Variants in MARCHF5 observed in about 807,000 individuals in gnomAD.
MARCHF5 encodes the protein E3 ubiquitin-protein ligase MARCHF5.
MARCHF5 carries 5 observed loss-of-function variants against 36.5 expected under a neutral mutation model. The observed-to-expected ratio is 0.14, with a 90% CI of 0.07 to 0.29. The LOEUF is 0.29. Among genes scored for constraint, MARCHF5 ranks in the 10% least tolerant of loss-of-function variants. The pLI is 1.00. For missense variants in MARCHF5, 179 were observed against 336.3 expected, an observed-to-expected ratio of 0.53 and a Z score of 3.66; for synonymous variants, 103 against 109.9, an observed-to-expected ratio of 0.94 and a Z score of 0.39.
At chr10:92,348,251 G>A (rs1843680193) in intron 3 of MARCHF5, among the ~76,000 whole-genome samples, 1 of 151,698 alleles carries the variant, frequency 6.6e-6, no homozygotes, top group Non-Finnish European at 1.5e-5. Context: ...CACTTTGAGA[G>A]GCCGAGGCAG....
intron 3 of MARCHF5, 59 bp downstream of exon 3, chr10:92,340,862 T>G: frequency 7.4e-7 from 1 of 1,358,104 alleles, no homozygotes; most frequent in Non-Finnish European, 9.9e-7. Context: ...TAAAACATTT[T>G]TTGTTAGACA....
intron 2 of MARCHF5, among the ~76,000 whole-genome samples, chr10:92,311,883 C>G (rs1379621143): frequency 6.6e-6 from 1 of 152,120 alleles, no homozygotes; most frequent in Non-Finnish European, 1.5e-5. Flanking sequence ...TCTTTGAGAA[C>G]AGGCCTAGCA....
chr10:92,322,668 C>T (rs1487526180), intron 2 of MARCHF5, among the ~76,000 whole-genome samples: 1 of 149,814 alleles, frequency 6.7e-6, no homozygotes, highest in African/African-American at 2.5e-5. Context: ...AGGCTGGTCT[C>T]ATACTCCTGA....
At chr10:92,303,504 G>T (rs889683442) in intron 1 of MARCHF5, among the ~76,000 whole-genome samples, 3 of 151,726 alleles carry the variant, frequency 2.0e-5, no homozygotes, top group Non-Finnish European at 2.9e-5. Flanking sequence ...ACTTTTCTTG[G>T]CACTTAATGC....
chr10:92,314,896 T>C, intron 2 of MARCHF5, among the ~76,000 whole-genome samples: 2 of 152,274 alleles, frequency 1.3e-5, no homozygotes, highest in Middle Eastern at 6.8e-3. Context: ...CGCTGCATTC[T>C]TAACATGCTG....
rs1842858079 is a variant in MARCHF5, at chr10:92,291,371, G to C, written c.-124G>C. ...GCTAGCGGAGCTGCCCCGGGAAGCTGGGTGACGGGTTCGCGGCTGCCGCCG... is the reference window on the plus strand; with the variant it reads ...GCTAGCGGAGCTGCCCCGGGAAGCTCGGTGACGGGTTCGCGGCTGCCGCCG... On this transcript the variant is annotated 5_prime_UTR_variant, in exon 1 of 6. Transcript: ENST00000358935. 6 of 868,284 alleles carry C rather than the reference G, an allele frequency of 6.9e-6. No homozygotes were observed. The highest frequency in any genetic ancestry group is 1.1e-5 in the Non-Finnish European group (6 of 538,536). 53.8% of individuals were successfully genotyped at this position (868,284 alleles called of 1,614,324 possible).
rs1843695531 is a variant in MARCHF5 at position 92,349,656 on chromosome 10, A to AT, written c.554-8dup. On this transcript the variant is annotated splice_polypyrimidine_tract_variant and intron_variant, in intron 4 of 5. Transcript: ENST00000358935. ...TGATTTATTAGCACTAACGCACTGC[A>AT]TTTTTTTCCTCTAGGGATAGGTTGT... is the stretch of plus-strand genomic sequence containing the variant. The AT allele has an allele frequency of 1.2e-6, 2 of 1,611,452 alleles. No homozygotes were observed. The highest frequency in any genetic ancestry group is 1.1e-5 in the South Asian group (1 of 90,496).
chr10:92,316,745 TAG>T (rs1843215187), intron 2 of MARCHF5, among the ~76,000 whole-genome samples: 1 of 151,742 alleles, frequency 6.6e-6, no homozygotes, highest in African/African-American at 2.4e-5. Flanking sequence ...TTTTTCTTTT[TAG>T]AGAGGGGGAT....
chr10:92,309,041 T>G (rs1843113364), intron 1 of MARCHF5, among the ~76,000 whole-genome samples: 1 of 152,088 alleles, frequency 6.6e-6, no homozygotes. Context: ...AAAAAGTAAA[T>G]CTGTACAAGT....
intron 1 of MARCHF5, among the ~76,000 whole-genome samples, chr10:92,295,709 GTGGCAACTTCTTAATAGC>G (rs1315430884): frequency 1.3e-5 from 2 of 151,190 alleles, no homozygotes; most frequent in Non-Finnish European, 1.5e-5. Flanking sequence ...TGCCTGGCCT[GTGGCAACTTCTTAATAGC>G]TGAAGTTGAA....
intron 2 of MARCHF5, among the ~76,000 whole-genome samples, chr10:92,328,549 C>G (rs1843396818): frequency 6.6e-6 from 1 of 151,314 alleles, no homozygotes; most frequent in South Asian, 2.1e-4. Context: ...ATTTCTCTAC[C>G]TAAGTGGTTA....
Position 92,325,806 on chromosome 10 carries a change from T to A in MARCHF5, c.238+14469T>A, listed in dbSNP as rs142942170. On this transcript the variant is annotated intron_variant, in intron 2 of 5. Transcript: ENST00000358935. ...AATTCTCCTGCCTCAGCCTCCCGAG[T>A]AGCTGGGATTACAGGTGTGCACCAC... 7.7e-4 allele frequency among the ~76,000 whole-genome samples: 117 copies of A among 152,150 alleles called. 2 individuals are homozygous for A. In the East Asian group the frequency reaches 0.022, roughly 28 times the overall value.
At chr10:92,341,877 A>G (rs1300960295) in intron 3 of MARCHF5, among the ~76,000 whole-genome samples, 1 of 146,450 alleles carries the variant, frequency 6.8e-6, no homozygotes, top group Non-Finnish European at 1.5e-5. Flanking sequence ...TGCAGCCTCA[A>G]CTTCCTGGGC....
Position 92,323,699 on chromosome 10 carries a change from T to C in MARCHF5, c.238+12362T>C, listed in dbSNP as rs549336087. 9.2e-5 allele frequency among the ~76,000 whole-genome samples: 14 copies of C among 152,342 alleles called. No homozygotes were observed. The South Asian group carries it at 2.7e-3, about 29-fold the overall frequency. The stretch of plus-strand genomic sequence containing the variant: ...TCAGATTGTCTTTCATTTAGTAACA[T>C]GCATTTAATTTCCTCTGTGTCTTTT... On this transcript the variant is annotated intron_variant, in intron 2 of 5. Coordinates refer to ENST00000358935, the MANE Select transcript of MARCHF5 (RefSeq NM_017824.5).
chr10:92,351,369 A>C lies in MARCHF5; in HGVS notation c.*162A>C. On this transcript the variant is annotated 3_prime_UTR_variant, in exon 6 of 6. Coordinates refer to ENST00000358935, the MANE Select transcript of MARCHF5 (RefSeq NM_017824.5). ...TTAGGGCAGGGGAAATCATCTCGGT[A>C]ATCATGGAACCTAAGGATGTGATTT... 1 of 504,170 alleles carries C rather than the reference A, an allele frequency of 2.0e-6. No individual in the cohort carries two copies. Among genetic ancestry groups the C allele is most frequent in the Non-Finnish European group, 3.5e-6 (1 of 286,770 alleles). The allele number at this position is 504,170 out of a possible 1,614,324, so 31.2% of individuals were successfully genotyped here. A position where few individuals can be genotyped will look rare whatever the true frequency, so the allele number is the denominator to read the frequency against.
intron 2 of MARCHF5, among the ~76,000 whole-genome samples, chr10:92,327,780 T>C (rs1189065662): frequency 6.6e-6 from 1 of 152,082 alleles, no homozygotes; most frequent in African/African-American, 2.4e-5. Flanking sequence ...AATATTTCAT[T>C]TGTGGAAAAG....
chr10:92,324,409 T>G (rs568093836), intron 2 of MARCHF5, among the ~76,000 whole-genome samples: 1 of 152,316 alleles, frequency 6.6e-6, no homozygotes, highest in East Asian at 1.9e-4. Context: ...TTGCCCAGGC[T>G]AGAGTGCAGT....
chr10:92,337,764 G>A (rs1056786628), intron 2 of MARCHF5, among the ~76,000 whole-genome samples: 1 of 152,000 alleles, frequency 6.6e-6, no homozygotes, highest in Admixed American at 6.6e-5. Context: ...TGAGGGGATA[G>A]GATCATCTAG....
Position 92,349,417 on chromosome 10 carries a change from TC to T in MARCHF5, c.440del (p.Pro147LeufsTer7). 6.2e-7 allele frequency: 1 copy of T among 1,614,130 alleles called. No homozygotes were observed. The highest frequency in any genetic ancestry group is 8.5e-7 in the Non-Finnish European group (1 of 1,179,980). ...ADPLFLLIGL[P>X]TIPVMLILGK... Reference sequence around the variant, plus strand: ...ATCCTTTATTCCTTTTAATTGGACTTCCTACTATTCCTGTCATGCTGATATT... The same window carrying T: ...ATCCTTTATTCCTTTTAATTGGACTTCTACTATTCCTGTCATGCTGATATT... On this transcript the variant is annotated frameshift_variant, in exon 4 of 6. Coordinates refer to ENST00000358935, the MANE Select transcript of MARCHF5 (RefSeq NM_017824.5). LOFTEE classifies it high-confidence loss of function.
Sources: gnomAD v4.1 joint callset for allele counts (sites outside exome capture counted in the v4.1 genomes callset) on GRCh38, gnomAD v4.1.1 for gene constraint, MANE v1.5 for transcripts, NCBI Gene and HGNC (gene_info 2026-07-23, HGNC 2026-07-21) for gene names.